Variants in TEX35 observed in about 807,000 individuals in gnomAD.
The protein encoded by TEX35 is testis-expressed protein 35.
TEX35 carries 26 observed loss-of-function variants against 31.9 expected under a neutral mutation model. The ratio of observed to expected loss-of-function variants is 0.81; its 90% CI spans 0.60 to 1.13. The LOEUF (loss-of-function observed/expected upper bound fraction) is 1.13, where lower values mean the gene tolerates loss of function less well. Among genes scored for constraint, TEX35 ranks in the 50% most tolerant of loss-of-function variants. The probability of loss-of-function intolerance (pLI) is 0.00; values close to 1 mark genes in which losing one functional copy is unlikely to be tolerated. For synonymous variants in TEX35, 87 were observed against 90.7 expected, an observed-to-expected ratio of 0.96 and a Z score of 0.23; for missense variants, 278 against 273.5, an observed-to-expected ratio of 1.02 and a Z score of -0.12.
intron 5 of TEX35, 143 bp from the exon 6 acceptor site, chr1:178,520,229 C>T (rs533790924): frequency 3.9e-5 from 28 of 716,706 alleles, no homozygotes; most frequent in Admixed American, 3.6e-4. Flanking sequence ...GTACATGTCA[C>T]GGACACTCCA....
chr1:178,522,457 TG>T lies in TEX35; in HGVS notation c.*18del. On this transcript the variant is annotated 3_prime_UTR_variant, in exon 9 of 9. Coordinates refer to ENST00000319416, the MANE Select transcript of TEX35 (RefSeq NM_032126.5). ...GGAAGGTGAAGCTTAACTGCCAGCT[TG>T]AAATGAGAGTAAAGAAGATACAGAG... 6.4e-7 allele frequency: 1 copy of T among 1,574,290 alleles called. No homozygotes were observed. The highest frequency in any genetic ancestry group is 8.6e-7 in the Non-Finnish European group (1 of 1,157,702).
At chr1:178,517,825 C>A (rs2101895844) in intron 5 of TEX35, among the ~76,000 whole-genome samples, 1 of 151,930 alleles carries the variant, frequency 6.6e-6, no homozygotes, top group South Asian at 2.1e-4. Context: ...ATAATAAAAA[C>A]CAATAAGAAG....
In TEX35 at chr1:178,521,216, C is replaced by T. The variant is rs1467120439; in HGVS notation, c.544-6C>T. ...ATCTTTCTTGTGCCGTTTCTGTCCTCTGCAGGAGAAATGTTTGTTGTGTGC... is the reference window on the plus strand; with the variant it reads ...ATCTTTCTTGTGCCGTTTCTGTCCTTTGCAGGAGAAATGTTTGTTGTGTGC... On this transcript the variant is annotated splice_polypyrimidine_tract_variant and splice_region_variant and intron_variant, in intron 7 of 8. Coordinates refer to ENST00000319416, the MANE Select transcript of TEX35 (RefSeq NM_032126.5). The T allele has an allele frequency of 6.2e-7, 1 of 1,614,236 alleles. No homozygotes were observed. Among genetic ancestry groups the T allele is most frequent in the South Asian group, 1.1e-5 (1 of 91,088 alleles).
rs77726325 is a variant in TEX35 at position 178,513,318 on chromosome 1, C to T, written c.39+91C>T. On this transcript the variant is annotated intron_variant, in intron 1 of 8. Coordinates refer to ENST00000319416, the MANE Select transcript of TEX35 (RefSeq NM_032126.5). ...CGGGGCAAGGGATACAGAGAATGCT[C>T]GCATGAATCTCTGGTTTTTCTTTCT... 3.4e-4 allele frequency: 505 copies of T among 1,490,282 alleles called. 2 individuals carry two copies. In the African/African-American group the frequency reaches 6.1e-3, roughly 18 times the overall value. The allele number at this position is 1,490,282 out of a possible 1,614,324, so 92.3% of individuals were successfully genotyped here.
chr1:178,521,825 GT>G (rs745491351), intron 8 of TEX35: 7 of 1,533,802 alleles, frequency 4.6e-6, no homozygotes, highest in South Asian at 3.7e-5. Context: ...GGATGTCATG[GT>G]TTTGAGTACC....
Position 178,521,268 on chromosome 1 carries a change from G to A in TEX35, c.586+4G>A, listed in dbSNP as rs1183331472. 2.5e-6 allele frequency: 4 copies of A among 1,614,092 alleles called. No homozygotes were observed. Among genetic ancestry groups the A allele is most frequent in the Non-Finnish European group, 3.4e-6 (4 of 1,180,040 alleles). On this transcript the variant is annotated splice_donor_region_variant and intron_variant, in intron 8 of 8. Transcript: ENST00000319416. ...CTAAAGAACAACTACAATCGGGGTA[G>A]GTAGATTCATACAAGATGTGCCTTT...
intron 1 of TEX35, 61 bp downstream of exon 1, chr1:178,513,288 G>A (rs1558035915): frequency 6.2e-7 from 1 of 1,600,018 alleles, no homozygotes; most frequent in Non-Finnish European, 8.6e-7. Context: ...GAATGGAGAT[G>A]GTGTCGGGGC....
At chr1:178,523,305 T>C (rs1650346283), downstream of TEX35, 4 of 701,796 alleles carry the variant, frequency 5.7e-6, no homozygotes, top group South Asian at 4.5e-5. Flanking sequence ...CTTGTAGGTA[T>C]ATACGCTGCA....
At chr1:178,514,330 G>T (rs575361796) in intron 2 of TEX35, 5 of 1,291,786 alleles carry the variant, frequency 3.9e-6, no homozygotes, top group Admixed American at 5.5e-5. Context: ...AGTGGCTGCC[G>T]TGGAGTGGGT....
downstream of TEX35, chr1:178,522,708 T>A (rs1031867362): frequency 4.5e-6 from 5 of 1,103,574 alleles, no homozygotes; most frequent in African/African-American, 8.1e-5. Context: ...TAGGTGTATA[T>A]ATTTATGGGG....
chr1:178,515,823 T>C lies in TEX35; in HGVS notation c.160-36T>C, dbSNP rs56144332. 1.5e-3 allele frequency: 2,287 copies of C among 1,561,510 alleles called. 28 individuals are homozygous for C. The African/African-American group carries it at 0.027, about 19-fold the overall frequency. ...TGGTTTCCCCTCCATCCTAGATATT[T>C]CTTTCCTCCTTCTCTTCTCCATTTT... is the stretch of plus-strand genomic sequence containing the variant. On this transcript the variant is annotated intron_variant, in intron 3 of 8. Coordinates refer to ENST00000319416, the MANE Select transcript of TEX35 (RefSeq NM_032126.5).
Position 178,515,887 on chromosome 1 carries a change from T to A in TEX35, c.188T>A (p.Leu63His). 1.9e-6 allele frequency: 3 copies of A among 1,612,816 alleles called. No homozygotes were observed. Among genetic ancestry groups the A allele is most frequent in the Non-Finnish European group, 2.5e-6 (3 of 1,179,176 alleles). ...GAACTCAGGGAAGTGAGAGAAGAGC[T>A]CAAGGAGAAAATGGAGGAGATAAAA... ...KNELREVREE[L>H]KEKMEEIKQI... Residue 63 changes from leucine to histidine, a missense_variant, in exon 4 of 9, where the codon CTC becomes CAC. Coordinates refer to ENST00000319416, the MANE Select transcript of TEX35 (RefSeq NM_032126.5).
At chr1:178,517,113 A>G (rs1650106322) in intron 5 of TEX35, among the ~76,000 whole-genome samples, 1 of 152,236 alleles carries the variant, frequency 6.6e-6, no homozygotes, top group African/African-American at 2.4e-5. Context: ...GGGCCCTTGT[A>G]GTTTAGACAA....
At chr1:178,523,114 G>A (rs993561994), downstream of TEX35, among the ~76,000 whole-genome samples, 3 of 152,168 alleles carry the variant, frequency 2.0e-5, no homozygotes, top group African/African-American at 4.8e-5. Context: ...CATCCACATT[G>A]TTGCAAACGA....
Position 178,514,749 on chromosome 1 carries a change from G to C in TEX35, c.140G>C (p.Gly47Ala). ...VKQEGRFTKAGVTQDLKNELR... is the reference protein window; with the variant it reads ...VKQEGRFTKAAVTQDLKNELR... ...CAAGAAGGGCGGTTTACCAAAGCAG[G>C]AGTGACACAGGACCTAAAGGTGAGT... The change falls in exon 3 of 9, where the codon GGA becomes GCA. Residue 47 changes from glycine to alanine, a missense_variant. Physicochemically the swap from Gly to Ala is moderately conservative, Grantham distance 60 (BLOSUM62 0). Transcript: ENST00000319416. 6.2e-7 allele frequency: 1 copy of C among 1,613,906 alleles called. No homozygotes were observed. The highest frequency in any genetic ancestry group is 8.5e-7 in the Non-Finnish European group (1 of 1,179,904).
chr1:178,522,427 CTG>C lies in TEX35; in HGVS notation c.690_691del (p.Glu231GlyfsTer67), dbSNP rs1558040178. ...GCTGTGCCTGCCCCAAAGTCCCAGACTGAGGGAAGGTGAAGCTTAACTGCCAG... is the reference window on the plus strand; with the variant it reads ...GCTGTGCCTGCCCCAAAGTCCCAGACAGGGAAGGTGAAGCTTAACTGCCAG... On this transcript the variant is annotated frameshift_variant, in exon 9 of 9. Transcript: ENST00000319416. LOFTEE classifies it high-confidence loss of function. 6.3e-7 allele frequency: 1 copy of C among 1,599,386 alleles called. No homozygotes were observed. Among genetic ancestry groups the C allele is most frequent in the South Asian group, 1.1e-5 (1 of 88,140 alleles).
intron 8 of TEX35, 39 bp downstream of exon 8, chr1:178,521,303 G>A (rs1330832636): frequency 1.9e-6 from 3 of 1,612,642 alleles, no homozygotes; most frequent in Non-Finnish European, 1.7e-6. Flanking sequence ...TTCTCGATCA[G>A]GTGCCTTGTT....
In TEX35 at chr1:178,522,384, C is replaced by A; in HGVS notation, c.646C>A (p.Gln216Lys). Residue 216 changes from glutamine to lysine, a missense_variant, in exon 9 of 9, where the codon CAA becomes AAA. Transcript: ENST00000319416. ...AGGTGGAGAGGAGCCAGTGACCACC[C>A]AACCTTCTGTGGGCCACGCTGTGCC... The part of the protein sequence containing the change: ...YKGGEEPVTT[Q>K]PSVGHAVPAP... The A allele has an allele frequency of 1.2e-6, 2 of 1,607,076 alleles. No individual in the cohort carries two copies. Among genetic ancestry groups the A allele is most frequent in the South Asian group, 1.1e-5 (1 of 89,164 alleles).
chr1:178,521,825 G>A, intron 8 of TEX35: 1 of 1,533,804 alleles, frequency 6.5e-7, no homozygotes, highest in Non-Finnish European at 8.8e-7. Context: ...GGATGTCATG[G>A]TTTTGAGTAC....
Sources: gnomAD v4.1 joint callset for allele counts (sites outside exome capture counted in the v4.1 genomes callset) on GRCh38, gnomAD v4.1.1 for gene constraint, MANE v1.5 for transcripts, NCBI Gene and HGNC (gene_info 2026-07-23, HGNC 2026-07-21) for gene names.